FARS2: variants seen among roughly 807,000 people sequenced by gnomAD.
The protein encoded by FARS2 is phenylalanyl-tRNA synthetase 2, mitochondrial.
In FARS2, 40 loss-of-function variants were observed where a neutral mutation model predicts 46.4. The observed-to-expected ratio is 0.86, with a 90% CI of 0.67 to 1.12. The LOEUF (loss-of-function observed/expected upper bound fraction) is 1.12. FARS2 is among the 50% of genes most tolerant of loss of function. The pLI is 0.00. For synonymous variants in FARS2, 234 were observed against 214.9 expected (o/e 1.09, Z -0.78); for missense variants, 513 against 567.9 (o/e 0.90, Z 0.98).
intron 6 of FARS2, among the ~76,000 whole-genome samples, chr6:5,672,811 G>T (rs1013986511): frequency 1.3e-5 from 2 of 152,122 alleles, no homozygotes; most frequent in Non-Finnish European, 2.9e-5. Context: ...GACAACATGT[G>T]TTCCTCTCTG....
chr6:5,613,212 G>A lies in FARS2; in HGVS notation c.1109G>A (p.Trp370Ter). 1 of 1,613,038 alleles carries A rather than the reference G, an allele frequency of 6.2e-7. No individual in the cohort carries two copies. Among genetic ancestry groups the A allele is most frequent in the Non-Finnish European group, 8.5e-7 (1 of 1,179,406 alleles). Residue 370 changes from tryptophan (W) to a stop codon, truncating the protein, a stop_gained, in exon 6 of 7, where the codon TGG becomes TAG. Coordinates refer to ENST00000274680, the MANE Select transcript of FARS2 (RefSeq NM_006567.5). LOFTEE classifies it high-confidence loss of function. ...YPAVINDISF[W>*]LPSENYAEND... The stretch of plus-strand genomic sequence containing the variant: ...GCTGTGATCAATGATATTTCATTCT[G>A]GTTGCCCTCTGAGAATTACGCAGAA...
intron 5 of FARS2, among the ~76,000 whole-genome samples, chr6:5,556,500 C>A (rs981029528): frequency 5.9e-5 from 9 of 151,794 alleles, no homozygotes; most frequent in African/African-American, 2.2e-4. Context: ...GATGTTAGGA[C>A]ATTTAATTGC....
intron 4 of FARS2, among the ~76,000 whole-genome samples, chr6:5,500,825 G>A (rs572099365): frequency 6.6e-6 from 1 of 152,162 alleles, no homozygotes; most frequent in East Asian, 1.9e-4. Context: ...AGGATAAGAA[G>A]AGGGTAGTTC....
At chr6:5,449,049 G>T (rs1423827492) in intron 4 of FARS2, among the ~76,000 whole-genome samples, 1 of 152,168 alleles carries the variant, frequency 6.6e-6, no homozygotes, top group African/African-American at 2.4e-5. Flanking sequence ...GAATTCATCA[G>T]TGAAGTTAAA....
At chr6:5,549,615 G>A (rs940905115) in intron 5 of FARS2, among the ~76,000 whole-genome samples, 1 of 152,084 alleles carries the variant, frequency 6.6e-6, no homozygotes, top group Non-Finnish European at 1.5e-5. Context: ...GCCTTGCTGG[G>A]TAATTCAGGA....
intron 1 of FARS2, among the ~76,000 whole-genome samples, chr6:5,296,343 G>T (rs529727895): frequency 3.3e-5 from 5 of 151,756 alleles, no homozygotes; most frequent in Admixed American, 1.3e-4. Context: ...GGGTTTCACT[G>T]TGTTAGCCAG....
intron 5 of FARS2, among the ~76,000 whole-genome samples, chr6:5,575,767 G>A (rs1455022066): frequency 2.0e-5 from 3 of 152,184 alleles, no homozygotes; most frequent in Admixed American, 1.3e-4. Flanking sequence ...GAAGATTACA[G>A]GTCAACATAG....
intron 2 of FARS2, among the ~76,000 whole-genome samples, chr6:5,370,059 C>T (rs1344963975): frequency 1.3e-5 from 2 of 152,152 alleles, no homozygotes; most frequent in African/African-American, 4.8e-5. Context: ...ATGTCCCTTC[C>T]AGACATGTTC....
In FARS2 at chr6:5,447,250, G is replaced by A. The variant is rs150830423; in HGVS notation, c.904+16078G>A. On this transcript the variant is annotated intron_variant, in intron 4 of 6. Coordinates refer to ENST00000274680, the MANE Select transcript of FARS2 (RefSeq NM_006567.5). ...CAGCAGTAGCAGTGGGCAGAGAGGG[G>A]GCCAGATTGTGTGCCTTTTAAGAGT... Among the ~76,000 whole-genome samples, 897 of 152,218 alleles carry A rather than the reference G, an allele frequency of 5.9e-3. 8 individuals carry two copies. Among genetic ancestry groups the A allele is most frequent in the African/African-American group, 0.021 (856 of 41,532 alleles).
At chr6:5,285,868 G>T (rs1044932361) in intron 1 of FARS2, among the ~76,000 whole-genome samples, 1 of 152,106 alleles carries the variant, frequency 6.6e-6, no homozygotes, top group Admixed American at 6.5e-5. Context: ...TTCTTTGCAC[G>T]GGGCTTCTTC....
chr6:5,518,862 T>C (rs1768967162), intron 4 of FARS2, among the ~76,000 whole-genome samples: 1 of 152,208 alleles, frequency 6.6e-6, no homozygotes, highest in African/African-American at 2.4e-5. Context: ...CCTTATGAAA[T>C]CTAAGAATTT....
intron 6 of FARS2, among the ~76,000 whole-genome samples, chr6:5,737,203 G>A (rs1393767377): frequency 3.9e-5 from 6 of 152,132 alleles, no homozygotes; most frequent in African/African-American, 1.4e-4. Flanking sequence ...GATCCTGAAA[G>A]GCAATGGGGG....
rs1232098426 is a variant in FARS2, at chr6:5,562,718, ACACACACACAG to A, written c.1065+17379_1065+17389del. 6.8e-4 allele frequency among the ~76,000 whole-genome samples: 104 copies of A among 152,036 alleles called. 2 individuals are homozygous for A. The highest frequency in any genetic ancestry group is 6.2e-4 in the Non-Finnish European group (42 of 67,968). On this transcript the variant is annotated intron_variant, in intron 5 of 6. Coordinates refer to ENST00000274680, the MANE Select transcript of FARS2 (RefSeq NM_006567.5). ...TATACACACACACACACACACACACACACACACACAGTGTTTTTCATTGTGTTAAATCTTTG... is the reference window on the plus strand; with the variant it reads ...TATACACACACACACACACACACACATGTTTTTCATTGTGTTAAATCTTTG...
intron 2 of FARS2, among the ~76,000 whole-genome samples, chr6:5,392,972 T>C (rs1326247990): frequency 6.7e-6 from 1 of 149,174 alleles, no homozygotes; most frequent in Non-Finnish European, 1.5e-5. Context: ...TATATTGATT[T>C]TAAATATCTG....
At chr6:5,604,547 T>C (rs565213935) in intron 5 of FARS2, among the ~76,000 whole-genome samples, 49 of 152,314 alleles carry the variant, frequency 3.2e-4, no homozygotes, top group African/African-American at 1.2e-3. Flanking sequence ...CCCAGGCGTC[T>C]CTGAAACCAC....
intron 2 of FARS2, among the ~76,000 whole-genome samples, chr6:5,384,388 G>A (rs1221407695): frequency 2.6e-5 from 4 of 152,226 alleles, no homozygotes; most frequent in South Asian, 2.1e-4. Context: ...TGGGGAGGCC[G>A]AGTTCAGGCA....
At chr6:5,597,101 G>A (rs1361276925) in intron 5 of FARS2, among the ~76,000 whole-genome samples, 1 of 152,190 alleles carries the variant, frequency 6.6e-6, no homozygotes, top group Non-Finnish European at 1.5e-5. Context: ...TGGCACTGCT[G>A]CCCTGGACGG....
At chr6:5,717,916 A>G (rs1244358666) in intron 6 of FARS2, among the ~76,000 whole-genome samples, 2 of 126,642 alleles carry the variant, frequency 1.6e-5, no homozygotes, top group Admixed American at 7.4e-5. Context: ...AGCTATATAT[A>G]TATATATATA....
intron 1 of FARS2, among the ~76,000 whole-genome samples, chr6:5,285,392 G>A (rs1488573130): frequency 6.6e-6 from 1 of 152,132 alleles, no homozygotes; most frequent in Non-Finnish European, 1.5e-5. Flanking sequence ...GAGAAGAGTG[G>A]GGTTTGGTTC....
Sources: allele counts gnomAD v4.1 joint callset (sites outside exome capture counted in the v4.1 genomes callset), GRCh38; gene constraint gnomAD v4.1.1; transcripts MANE v1.5; gene names NCBI Gene and HGNC (gene_info 2026-07-23, HGNC 2026-07-21).